CCDC30: variants seen among roughly 807,000 people sequenced by gnomAD.
CCDC30 encodes the protein coiled-coil domain-containing protein 30.
Under a neutral mutation model 100.2 loss-of-function variants are expected in CCDC30, and 70 were observed. The ratio of observed to expected loss-of-function variants is 0.70; its 90% CI spans 0.58 to 0.85. The LOEUF (loss-of-function observed/expected upper bound fraction) is 0.85, where lower values mean the gene tolerates loss of function less well. Ranked by LOEUF, CCDC30 falls within the 40% of genes least tolerant of loss-of-function variation. CCDC30 has a pLI of 0.00. For synonymous variants in CCDC30, 233 were observed against 269.5 expected (o/e 0.86, Z 1.33); for missense variants, 652 against 771.2 (o/e 0.85, Z 1.83).
intron 11 of CCDC30, among the ~76,000 whole-genome samples, chr1:42,632,186 A>G (rs370517919): frequency 2.0e-5 from 3 of 152,252 alleles, no homozygotes; most frequent in Admixed American, 6.5e-5. Flanking sequence ...CAGTTAGCAG[A>G]TGATGAATCT....
chr1:42,500,264 T>C, intron 6 of CCDC30: 1 of 1,610,622 alleles, frequency 6.2e-7, no homozygotes, highest in South Asian at 1.1e-5. Context: ...AGTGGATTTT[T>C]CTCTTGCGTC....
At chr1:42,502,691 T>TC (rs1315233910) in intron 6 of CCDC30, among the ~76,000 whole-genome samples, 1 of 152,156 alleles carries the variant, frequency 6.6e-6, no homozygotes, top group African/African-American at 2.4e-5. Context: ...TTCTTATTTT[T>TC]CTACCTGCCC....
intron 8 of CCDC30, among the ~76,000 whole-genome samples, chr1:42,580,615 G>T (rs536807270): frequency 2.0e-5 from 3 of 152,158 alleles, no homozygotes; most frequent in Non-Finnish European, 4.4e-5. Flanking sequence ...TTTAAAAAAT[G>T]TGGGGGTTTT....
intron 6 of CCDC30, among the ~76,000 whole-genome samples, chr1:42,555,246 T>C (rs544422792): frequency 2.6e-5 from 4 of 152,340 alleles, no homozygotes; most frequent in African/African-American, 9.6e-5. Context: ...ATATCTTATT[T>C]ATTAAATCAT....
intron 6 of CCDC30, among the ~76,000 whole-genome samples, chr1:42,550,029 A>G (rs569913139): frequency 6.6e-6 from 1 of 152,150 alleles, no homozygotes; most frequent in African/African-American, 2.4e-5. Context: ...CAGACTACCA[A>G]TGTATTTTTC....
chr1:42,616,665 C>A (rs985087314), intron 11 of CCDC30, among the ~76,000 whole-genome samples: 5 of 152,170 alleles, frequency 3.3e-5, no homozygotes, highest in Admixed American at 3.3e-4. Flanking sequence ...ATTGTGTCAC[C>A]TCATAACATT....
intron 15 of CCDC30, among the ~76,000 whole-genome samples, chr1:42,647,751 A>G (rs775061934): frequency 2.6e-5 from 4 of 152,248 alleles, no homozygotes; most frequent in African/African-American, 9.6e-5. Flanking sequence ...AAATGAAACT[A>G]GAAATCAATA....
intron 6 of CCDC30, among the ~76,000 whole-genome samples, chr1:42,502,946 A>G (rs1644343298): frequency 6.6e-6 from 1 of 152,076 alleles, no homozygotes; most frequent in Admixed American, 6.6e-5. Flanking sequence ...CCCAGGCTGG[A>G]GTGCATGCTC....
At chr1:42,486,740 T>C (rs530439638) in intron 3 of CCDC30, among the ~76,000 whole-genome samples, 2 of 152,156 alleles carry the variant, frequency 1.3e-5, no homozygotes, top group Admixed American at 6.6e-5. Context: ...TATGAACATA[T>C]GTTGAGACTT....
intron 6 of CCDC30, among the ~76,000 whole-genome samples, chr1:42,563,616 C>T (rs978857167): frequency 1.3e-5 from 2 of 152,154 alleles, no homozygotes; most frequent in African/African-American, 2.4e-5. Context: ...CGCGCTGGCT[C>T]ACGCCTGTAA....
Position 42,611,046 on chromosome 1 carries a change from T to C in CCDC30, c.1233T>C (p.Arg411=), listed in dbSNP as rs1399685780. Residue 411 remains arginine (R), a synonymous_variant, in exon 11 of 17, where the codon CGT becomes CGC. Coordinates refer to ENST00000668663, the Ensembl canonical transcript of CCDC30. Reference sequence around the variant, plus strand: ...TACAGCAAGAGAAGGAAGCTCTACGTGAAGAATATTTGCGATTATTGAAGC... The same window carrying C: ...TACAGCAAGAGAAGGAAGCTCTACGCGAAGAATATTTGCGATTATTGAAGC... The C allele has an allele frequency of 1.9e-6, 3 of 1,612,566 alleles. No individual in the cohort carries two copies. The South Asian group carries it at 3.3e-5, about 18-fold the overall frequency.
intron 6 of CCDC30, among the ~76,000 whole-genome samples, chr1:42,501,493 G>A (rs1644311539): frequency 6.6e-6 from 1 of 152,140 alleles, no homozygotes; most frequent in African/African-American, 2.4e-5. Context: ...TTCCATTGCT[G>A]GTGAGGAGCT....
chr1:42,487,995 G>A (rs1350026711), intron 3 of CCDC30, among the ~76,000 whole-genome samples: 7 of 152,124 alleles, frequency 4.6e-5, no homozygotes, highest in African/African-American at 1.2e-4. Context: ...TTTGTTATAC[G>A]ACATTAGAAA....
exon 2 of CCDC30, chr1:42,480,499 C>T: frequency 2.8e-6 from 1 of 350,980 alleles, no homozygotes; most frequent in Non-Finnish European, 4.0e-6. Context: ...TCTCCGTTCA[C>T]TGCAGCCTCA....
chr1:42,603,040 T>TG (rs1405960682), intron 10 of CCDC30, among the ~76,000 whole-genome samples: 3 of 152,228 alleles, frequency 2.0e-5, no homozygotes, highest in Admixed American at 1.3e-4. Flanking sequence ...TTCTATCTAT[T>TG]GATGCTATCT....
intron 1 of CCDC30, among the ~76,000 whole-genome samples, chr1:42,477,045 A>G (rs189790339): frequency 3.6e-4 from 55 of 150,764 alleles, no homozygotes; most frequent in African/African-American, 1.3e-3. Flanking sequence ...TTTTGTTTGT[A>G]TAATGGTTGC....
At chr1:42,473,119 A>C (rs1643822848) in intron 1 of CCDC30, 1 of 1,227,626 alleles carries the variant, frequency 8.1e-7, no homozygotes, top group African/African-American at 1.6e-5. Context: ...TTCTTCTATC[A>C]AGGGAAAAGT....
At chr1:42,524,771 C>A (rs1167311955) in intron 6 of CCDC30, among the ~76,000 whole-genome samples, 1 of 152,174 alleles carries the variant, frequency 6.6e-6, no homozygotes, top group African/African-American at 2.4e-5. Context: ...AATTTACCAT[C>A]CAACCCTTTC....
intron 13 of CCDC30, among the ~76,000 whole-genome samples, chr1:42,643,259 G>C (rs1056392044): frequency 6.6e-6 from 1 of 152,144 alleles, no homozygotes; most frequent in African/African-American, 2.4e-5. Context: ...TTATTTTACA[G>C]ATAGGAAGCC....
Sources: gnomAD v4.1 joint callset for allele counts (sites outside exome capture counted in the v4.1 genomes callset) on GRCh38, gnomAD v4.1.1 for gene constraint, MANE v1.5 for transcripts, NCBI Gene and HGNC (gene_info 2026-07-23, HGNC 2026-07-21) for gene names.